KALRN: variants seen among roughly 807,000 people sequenced by gnomAD.
KALRN encodes the protein kalirin.
In KALRN, 70 loss-of-function variants were observed where a neutral mutation model predicts 353.7. The observed-to-expected ratio is 0.20, with a 90% confidence interval of 0.16 to 0.24. KALRN has a LOEUF of 0.24. Ranked by LOEUF, KALRN falls within the 10% of genes least tolerant of loss-of-function variation. KALRN has a pLI of 1.00. For synonymous variants in KALRN, 1,391 were observed against 1,434.8 expected (o/e 0.97, Z 0.69); for missense variants, 2,791 against 3,756.7 (o/e 0.74, Z 6.72).
chr3:124,523,848 C>G (rs983951016), intron 33 of KALRN, among the ~76,000 whole-genome samples: 1 of 152,224 alleles, frequency 6.6e-6, no homozygotes, highest in Admixed American at 6.5e-5. Flanking sequence ...TCACAAGGAG[C>G]TATCTTCCTT....
chr3:124,409,552 C>A (rs1414666373), intron 13 of KALRN, among the ~76,000 whole-genome samples: 1 of 152,112 alleles, frequency 6.6e-6, no homozygotes. Context: ...GGCTATTAGG[C>A]TAGTGAAGAA....
rs929482042 is a variant in KALRN at position 124,148,052 on chromosome 3, G to A, written c.74-79938G>A. Among the ~76,000 whole-genome samples, 5 of 152,302 alleles carry A rather than the reference G, an allele frequency of 3.3e-5. No individual in the cohort carries two copies. The East Asian group carries it at 9.7e-4, about 29-fold the overall frequency. On this transcript the variant is annotated intron_variant, in intron 1 of 59. Coordinates refer to ENST00000682506, the MANE Select transcript of KALRN (RefSeq NM_001388419.1). ...GAATGCAGAGCTGGGATTAATGAAA[G>A]TGGGAAGGATGGAACAAGAAACATC...
chr3:124,236,038 G>A (rs2079711148), intron 3 of KALRN, among the ~76,000 whole-genome samples: 1 of 152,124 alleles, frequency 6.6e-6, no homozygotes, highest in South Asian at 2.1e-4. Context: ...GGTAGTAAAG[G>A]GGATTTTAAG....
chr3:124,655,553 G>T, intron 38 of KALRN, 48 bp from the exon 39 acceptor site: 1 of 1,475,612 alleles, frequency 6.8e-7, no homozygotes, highest in Non-Finnish European at 9.5e-7. Flanking sequence ...GAAGATTTTT[G>T]GCTTAACAAT....
intron 1 of KALRN, among the ~76,000 whole-genome samples, chr3:124,211,345 T>A (rs1249367364): frequency 1.3e-5 from 2 of 152,240 alleles, no homozygotes; most frequent in Non-Finnish European, 2.9e-5. Flanking sequence ...TTAGGGCATT[T>A]TAAAGCAAGA....
At chr3:124,561,060 G>A (rs1283359778) in intron 33 of KALRN, among the ~76,000 whole-genome samples, 1 of 152,214 alleles carries the variant, frequency 6.6e-6, no homozygotes, top group Non-Finnish European at 1.5e-5. Context: ...ATTTCCTGAT[G>A]TATGAGATGG....
intron 33 of KALRN, chr3:124,519,905 A>C: frequency 1.0e-6 from 1 of 984,150 alleles, no homozygotes; most frequent in Non-Finnish European, 1.2e-6. Context: ...TGAGGCCCTT[A>C]ATTCTCTGCC....
chr3:124,088,387 A>T (rs952490955), intron 1 of KALRN, among the ~76,000 whole-genome samples: 3 of 152,114 alleles, frequency 2.0e-5, no homozygotes, highest in African/African-American at 7.2e-5. Context: ...AGGGAAGGAG[A>T]GTGTCACAGG....
chr3:124,334,577 T>A lies in KALRN; in HGVS notation c.1647+82T>A. Reference sequence around the variant, plus strand: ...AAGTCCCTGACCTAGGTGATCAGGCTTAGGAGAGCCCAGATTTATAGAAGG... The same window carrying A: ...AAGTCCCTGACCTAGGTGATCAGGCATAGGAGAGCCCAGATTTATAGAAGG... On this transcript the variant is annotated intron_variant, in intron 9 of 59. Coordinates refer to ENST00000682506, the MANE Select transcript of KALRN (RefSeq NM_001388419.1). The surrounding 1 kb of genome is among the most constrained non-coding windows in gnomAD (Gnocchi z 4.2). 8.9e-6 allele frequency: 8 copies of A among 894,652 alleles called. No homozygotes were observed. The highest frequency in any genetic ancestry group is 1.4e-5 in the Non-Finnish European group (8 of 575,776). 55.4% of individuals were successfully genotyped at this position (894,652 alleles called of 1,614,324 possible).
chr3:124,688,310 CAAA>C (rs59265829), intron 51 of KALRN, among the ~76,000 whole-genome samples: 14 of 83,222 alleles, frequency 1.7e-4, no homozygotes, highest in South Asian at 4.4e-4. Flanking sequence ...GAGACCCTGT[CAAA>C]AAAAAAAAAA....
At chr3:124,668,800 A>T (rs1296928180) in intron 47 of KALRN, among the ~76,000 whole-genome samples, 1 of 152,236 alleles carries the variant, frequency 6.6e-6, no homozygotes, top group Non-Finnish European at 1.5e-5. Flanking sequence ...TATAATATAC[A>T]ACTTCAAATG....
At chr3:124,545,353 T>C (rs1163151094) in intron 33 of KALRN, among the ~76,000 whole-genome samples, 1 of 152,206 alleles carries the variant, frequency 6.6e-6, no homozygotes, top group Non-Finnish European at 1.5e-5. Context: ...GTGGCATTGG[T>C]AGTGGCTGTA....
At chr3:124,069,276 G>A (rs1471397643) in intron 1 of KALRN, among the ~76,000 whole-genome samples, 1 of 144,640 alleles carries the variant, frequency 6.9e-6, no homozygotes, top group Non-Finnish European at 1.5e-5. Flanking sequence ...TCTTTCTATT[G>A]GATCACCCTG....
intron 13 of KALRN, among the ~76,000 whole-genome samples, chr3:124,403,655 G>C (rs902548319): frequency 6.6e-5 from 10 of 152,284 alleles, no homozygotes; most frequent in African/African-American, 2.4e-4. Context: ...ATAACTTACT[G>C]GTGGTCTCAA....
intron 1 of KALRN, among the ~76,000 whole-genome samples, chr3:124,177,732 T>C (rs930824832): frequency 2.0e-5 from 3 of 152,184 alleles, no homozygotes; most frequent in African/African-American, 4.8e-5. Context: ...TAAGGAGTCA[T>C]TGACAAGATG....
At chr3:124,657,588 G>A (rs1156730061) in intron 40 of KALRN, 37 bp downstream of exon 40, 1 of 1,539,552 alleles carries the variant, frequency 6.5e-7, no homozygotes, top group Non-Finnish European at 9.0e-7. Flanking sequence ...CCAGTGTCCT[G>A]GGAATCCAGG....
At chr3:124,317,924 C>T (rs186087838) in intron 6 of KALRN, among the ~76,000 whole-genome samples, 64 of 152,212 alleles carry the variant, frequency 4.2e-4, no homozygotes, top group South Asian at 3.3e-3. Flanking sequence ...CTGTACCCAT[C>T]ATTCCCTACC....
chr3:124,269,068 G>T lies in KALRN; in HGVS notation c.782G>T (p.Ser261Ile). The change falls in exon 5 of 60, where the codon AGC becomes ATC. Residue 261 changes from serine (S) to isoleucine (I), a missense_variant. Ser to Ile is a moderately radical substitution (Grantham distance 142). Coordinates refer to ENST00000682506, the MANE Select transcript of KALRN (RefSeq NM_001388419.1). ...CGGCTGCTGCAGTGCATCCGCTGCA[G>T]CGACGGCTTCTCAGGACGCAACTGC... ...GQRLLQCIRC[S>I]DGFSGRNCIP... 1 of 1,612,480 alleles carries T rather than the reference G, an allele frequency of 6.2e-7. No homozygotes were observed. The highest frequency in any genetic ancestry group is 8.5e-7 in the Non-Finnish European group (1 of 1,179,514).
chr3:124,247,395 C>A (rs1346063876), intron 3 of KALRN, among the ~76,000 whole-genome samples: 2 of 152,098 alleles, frequency 1.3e-5, no homozygotes, highest in Non-Finnish European at 2.9e-5. Context: ...CAATCTTTCT[C>A]AAAGAACTGT....
Sources: allele counts gnomAD v4.1 joint callset (sites outside exome capture counted in the v4.1 genomes callset), GRCh38; gene constraint gnomAD v4.1.1; non-coding constraint Gnocchi (gnomAD v3.1); transcripts MANE v1.5; gene names NCBI Gene and HGNC (gene_info 2026-07-23, HGNC 2026-07-21).